The following CELF2 variants were observed in gnomAD, a reference collection of about 807,000 sequenced individuals.
The protein encoded by CELF2 is CUG triplet repeat RNA-binding protein 2.
CELF2 carries 8 observed loss-of-function variants against 62.6 expected under a neutral mutation model. The observed-to-expected ratio is 0.13, with a 90% confidence interval of 0.07 to 0.23. CELF2 has a LOEUF of 0.23. Among genes scored for constraint, CELF2 ranks in the 10% least tolerant of loss-of-function variants. The probability of loss-of-function intolerance (pLI) is 1.00; values close to 1 mark genes in which losing one functional copy is unlikely to be tolerated. For synonymous variants in CELF2, 258 were observed against 250.0 expected (o/e 1.03, Z -0.30); for missense variants, 333 against 671.0 (o/e 0.50, Z 5.56).
chr10:10,868,970 G>T (rs2060556403), intron 1 of CELF2, among the ~76,000 whole-genome samples: 1 of 152,208 alleles, frequency 6.6e-6, no homozygotes, highest in African/African-American at 2.4e-5. Context: ...ACTAATTAAT[G>T]TGTACCACAC....
At chr10:11,182,323 A>G (rs1484882402) in intron 2 of CELF2, among the ~76,000 whole-genome samples, 1 of 152,234 alleles carries the variant, frequency 6.6e-6, no homozygotes, top group Non-Finnish European at 1.5e-5. Flanking sequence ...CCCGTAGTGC[A>G]CACTGCCCTT....
intron 1 of CELF2, among the ~76,000 whole-genome samples, chr10:11,029,750 G>A (rs1024731205): frequency 4.6e-5 from 7 of 152,220 alleles, no homozygotes; most frequent in Non-Finnish European, 7.3e-5. Context: ...CAGCCACACA[G>A]ATACTACAAA....
chr10:10,549,079 C>T, the CELF2 span, among the ~76,000 whole-genome samples: 1 of 152,156 alleles, frequency 6.6e-6, no homozygotes, highest in African/African-American at 2.4e-5. Context: ...GGCAGATTAC[C>T]TCACCTCTCT....
At chr10:10,557,956 G>A in the CELF2 span, among the ~76,000 whole-genome samples, 3 of 139,540 alleles carry the variant, frequency 2.1e-5, no homozygotes, top group African/African-American at 8.2e-5. Flanking sequence ...GGGTTTTCTA[G>A]ATATACAATC....
At chr10:11,017,849 G>A (rs1220110135), upstream of CELF2, 12 of 665,204 alleles carry the variant, frequency 1.8e-5, no homozygotes, top group Middle Eastern at 7.8e-4. This position sits in a 1 kb window ranked among gnomAD's most constrained non-coding sequence, Gnocchi z 5.5. Flanking sequence ...GGGTTAAGCG[G>A]CGGCGGGCGC....
the CELF2 span, among the ~76,000 whole-genome samples, chr10:10,587,363 A>G: frequency 1.3e-5 from 2 of 152,062 alleles, no homozygotes; most frequent in South Asian, 4.2e-4. Context: ...TTGAACCCAA[A>G]CGCATTTGCA....
intron 1 of CELF2, among the ~76,000 whole-genome samples, chr10:10,803,355 T>C (rs1360833507): frequency 6.6e-6 from 1 of 152,178 alleles, no homozygotes; most frequent in East Asian, 1.9e-4. Flanking sequence ...ATCTCCTCCC[T>C]CTCTCCCCAC....
chr10:10,933,947 G>T (rs975898849), intron 2 of CELF2, among the ~76,000 whole-genome samples: 1 of 152,122 alleles, frequency 6.6e-6, no homozygotes, highest in African/African-American at 2.4e-5. Context: ...CAATTCCTTT[G>T]CATATTTACC....
the CELF2 span, among the ~76,000 whole-genome samples, chr10:10,634,312 G>T: frequency 2.0e-5 from 3 of 151,848 alleles, no homozygotes; most frequent in South Asian, 6.2e-4. Flanking sequence ...TAAATTGGGG[G>T]TATGCCTAGA....
chr10:10,802,775 C>T (rs958272427), intron 1 of CELF2, among the ~76,000 whole-genome samples: 1 of 152,192 alleles, frequency 6.6e-6, no homozygotes, highest in Non-Finnish European at 1.5e-5. Flanking sequence ...CTTCCAACTC[C>T]ATCCTCTCTC....
rs1030324888 is a variant in CELF2 at position 11,267,328 on chromosome 10, A to G, written c.618+651A>G. Reference sequence around the variant, plus strand: ...GAGATCATGGCTTTAGGGGAAGGTAAACACCCTGGTGTGGATGCACACCCA... The same window carrying G: ...GAGATCATGGCTTTAGGGGAAGGTAGACACCCTGGTGTGGATGCACACCCA... On this transcript the variant is annotated intron_variant, in intron 6 of 12. Coordinates refer to ENST00000633077, the MANE Select transcript of CELF2 (RefSeq NM_001326342.2). The surrounding 1 kb of genome is among the most constrained non-coding windows in gnomAD (Gnocchi z 4.4). Among the ~76,000 whole-genome samples, 2 of 152,212 alleles carry G rather than the reference A, an allele frequency of 1.3e-5. No homozygotes were observed. The highest frequency in any genetic ancestry group is 4.8e-5 in the African/African-American group (2 of 41,444).
At chr10:11,249,264 T>G (rs771361189) in intron 4 of CELF2, 63 bp downstream of exon 4, 1 of 1,411,972 alleles carries the variant, frequency 7.1e-7, no homozygotes, top group East Asian at 2.3e-5. Flanking sequence ...ACAAAGTCAG[T>G]TGGGGGCGGG....
At chr10:10,817,437 G>T (rs955946367) in intron 1 of CELF2, among the ~76,000 whole-genome samples, 6 of 152,094 alleles carry the variant, frequency 3.9e-5, no homozygotes, top group South Asian at 4.2e-4. Context: ...CTATTTTTTG[G>T]TAACATTAAC....
intron 9 of CELF2, among the ~76,000 whole-genome samples, chr10:11,310,850 A>T (rs1017072489): frequency 2.0e-5 from 3 of 151,984 alleles, no homozygotes; most frequent in Admixed American, 1.3e-4. Flanking sequence ...AAGATTTTTT[A>T]AAATATTTTT....
At chr10:10,920,599 C>A (rs1159797183) in intron 2 of CELF2, among the ~76,000 whole-genome samples, 1 of 151,798 alleles carries the variant, frequency 6.6e-6, no homozygotes, top group Non-Finnish European at 1.5e-5. Flanking sequence ...ATATTTATGT[C>A]AGTATATTAA....
At chr10:10,895,283 C>A (rs770303274) in intron 1 of CELF2, among the ~76,000 whole-genome samples, 5 of 152,140 alleles carry the variant, frequency 3.3e-5, no homozygotes, top group Non-Finnish European at 7.3e-5. Context: ...GTGTTATCCA[C>A]CCTATACATT....
intron 2 of CELF2, among the ~76,000 whole-genome samples, chr10:10,956,328 T>G (rs2048893622): frequency 6.6e-6 from 1 of 152,218 alleles, no homozygotes; most frequent in Non-Finnish European, 1.5e-5. Flanking sequence ...TAAAATGCTT[T>G]TCTGGAGAAA....
At chr10:10,660,799 A>G in the CELF2 span, among the ~76,000 whole-genome samples, 1 of 152,200 alleles carries the variant, frequency 6.6e-6, no homozygotes. Context: ...TTTTAAAGGA[A>G]CCTGGAGAAT....
At chr10:11,172,314 A>AT in intron 2 of CELF2, among the ~76,000 whole-genome samples, 1 of 152,334 alleles carries the variant, frequency 6.6e-6, no homozygotes, top group South Asian at 2.1e-4. Flanking sequence ...TGCAGTCAGA[A>AT]TTTTTAGATT....
Sources: allele counts gnomAD v4.1 joint callset (sites outside exome capture counted in the v4.1 genomes callset), GRCh38; gene constraint gnomAD v4.1.1; non-coding constraint Gnocchi (gnomAD v3.1); transcripts MANE v1.5; gene names NCBI Gene and HGNC (gene_info 2026-07-23, HGNC 2026-07-21).